The following NMNAT2 variants were observed in gnomAD, a reference collection of about 807,000 sequenced individuals.
NMNAT2 encodes the protein nicotinamide nucleotide adenylyltransferase 2, also known as nicotinamide/nicotinic acid mononucleotide adenylyltransferase 2.
NMNAT2 carries 11 observed loss-of-function variants against 41.6 expected under a neutral mutation model. The ratio of observed to expected loss-of-function variants is 0.26; its 90% CI spans 0.17 to 0.44. NMNAT2 has a LOEUF of 0.44. Among genes scored for constraint, NMNAT2 ranks in the 20% least tolerant of loss-of-function variants. The pLI is 1.00. For missense variants in NMNAT2, 288 were observed against 407.7 expected, an observed-to-expected ratio of 0.71 and a Z score of 2.53; for synonymous variants, 148 against 151.2, an observed-to-expected ratio of 0.98 and a Z score of 0.16.
chr1:183,284,562 G>T (rs1320145938), intron 6 of NMNAT2, 148 bp downstream of exon 6: 2 of 718,354 alleles, frequency 2.8e-6, no homozygotes, highest in South Asian at 3.2e-5. Context: ...GCCTGTGTGG[G>T]GGGATACGTT....
chr1:183,287,253 G>T (rs887920706), intron 4 of NMNAT2, among the ~76,000 whole-genome samples: 3 of 152,074 alleles, frequency 2.0e-5, no homozygotes, highest in African/African-American at 4.8e-5. Context: ...TGCTTCATGG[G>T]GCTCAAATGA....
At chr1:183,349,962 G>T (rs1347041143) in intron 1 of NMNAT2, among the ~76,000 whole-genome samples, 1 of 152,108 alleles carries the variant, frequency 6.6e-6, no homozygotes, top group Non-Finnish European at 1.5e-5. Context: ...GCTTGGACTG[G>T]CAGAATATAG....
intron 1 of NMNAT2, among the ~76,000 whole-genome samples, chr1:183,331,678 G>C (rs1181770444): frequency 6.6e-6 from 1 of 152,222 alleles, no homozygotes; most frequent in Non-Finnish European, 1.5e-5. Context: ...CCTGCACGCT[G>C]CTGCTGCTGG....
At chr1:183,276,270 C>G (rs1661122563) in intron 8 of NMNAT2, among the ~76,000 whole-genome samples, 1 of 152,192 alleles carries the variant, frequency 6.6e-6, no homozygotes. Flanking sequence ...CACTCCACCT[C>G]TGCTGTCACA....
At chr1:183,387,606 A>C (rs1042806890) in intron 1 of NMNAT2, among the ~76,000 whole-genome samples, 4 of 152,216 alleles carry the variant, frequency 2.6e-5, no homozygotes, top group African/African-American at 9.6e-5. Context: ...TGGTGCGTTC[A>C]ATGTTGAGGC....
At chr1:183,412,493 G>A (rs889349827) in intron 1 of NMNAT2, among the ~76,000 whole-genome samples, 4 of 152,224 alleles carry the variant, frequency 2.6e-5, no homozygotes, top group Non-Finnish European at 5.9e-5. Context: ...AAAGTGCTGG[G>A]ATTAGAGGTG....
At chr1:183,260,426 T>C (rs1660627094) in intron 10 of NMNAT2, among the ~76,000 whole-genome samples, 1 of 152,146 alleles carries the variant, frequency 6.6e-6, no homozygotes, top group South Asian at 2.1e-4. Context: ...CAAATATTAT[T>C]CCATAAGTAC....
intron 1 of NMNAT2, among the ~76,000 whole-genome samples, chr1:183,382,667 A>C (rs955989522): frequency 1.3e-5 from 2 of 152,226 alleles, no homozygotes; most frequent in African/African-American, 4.8e-5. Context: ...TATAGGCCCC[A>C]TGCAAGTCTG....
intron 1 of NMNAT2, among the ~76,000 whole-genome samples, chr1:183,312,150 C>T (rs1344589688): frequency 6.6e-6 from 1 of 152,072 alleles, no homozygotes; most frequent in African/African-American, 2.4e-5. Context: ...CGGACTAATA[C>T]ACCATGACAG....
At chr1:183,362,710 T>C (rs1368314102) in intron 1 of NMNAT2, among the ~76,000 whole-genome samples, 1 of 152,258 alleles carries the variant, frequency 6.6e-6, no homozygotes, top group Non-Finnish European at 1.5e-5. Context: ...CTATTATGAA[T>C]AATGCTGCTG....
intron 1 of NMNAT2, among the ~76,000 whole-genome samples, chr1:183,389,832 GAAAGAAAGA>G (rs1557897774): frequency 1.1e-3 from 56 of 53,198 alleles, no homozygotes; most frequent in African/African-American, 2.8e-3. Context: ...AAGAAAGAAA[GAAAGAAAGA>G]AAGGAAAAAA....
intron 1 of NMNAT2, among the ~76,000 whole-genome samples, chr1:183,359,664 G>A (rs1663265138): frequency 6.6e-6 from 1 of 152,128 alleles, no homozygotes; most frequent in Non-Finnish European, 1.5e-5. Context: ...TCGGGTTGTT[G>A]GGAACATCAC....
chr1:183,353,364 G>A (rs945919323), intron 1 of NMNAT2, among the ~76,000 whole-genome samples: 2 of 152,124 alleles, frequency 1.3e-5, no homozygotes, highest in African/African-American at 4.8e-5. Context: ...AGATCTTTCC[G>A]AAACAGTCAG....
intron 1 of NMNAT2, among the ~76,000 whole-genome samples, chr1:183,353,950 GCAAGGCATATCACTC>G (rs1663122721): frequency 6.6e-6 from 1 of 152,130 alleles, no homozygotes; most frequent in Non-Finnish European, 1.5e-5. Flanking sequence ...CTAGCAGAGG[GCAAGGCATATCACTC>G]CATGGTTCAG....
intron 1 of NMNAT2, among the ~76,000 whole-genome samples, chr1:183,413,675 C>T (rs1392976059): frequency 5.8e-5 from 8 of 138,104 alleles, no homozygotes; most frequent in African/African-American, 2.2e-4. Flanking sequence ...GGCGCGATCT[C>T]GGCTCACTGC....
At position 183,251,932 on chromosome 1, in the gene NMNAT2, C is replaced by T. The variant is rs200936202; in HGVS notation, c.*709G>A. 1.3e-5 allele frequency: 2 copies of T among 155,350 alleles called. No individual in the cohort carries two copies. Among genetic ancestry groups the T allele is most frequent in the African/African-American group, 2.4e-5 (1 of 41,154 alleles). The allele number at this position is 155,350 out of a possible 1,614,324, so 9.6% of individuals were successfully genotyped here. On this transcript the variant is annotated 3_prime_UTR_variant, in exon 11 of 11. Transcript: ENST00000287713. ...GTGCGCGGGTGCACACGCATGTGTG[C>T]GTGTGTGTGTGTGTGCGTGTGTGTG... is the stretch of plus-strand genomic sequence containing the variant.
chr1:183,414,130 G>A (rs1365440929), intron 1 of NMNAT2, among the ~76,000 whole-genome samples: 2 of 152,278 alleles, frequency 1.3e-5, no homozygotes, highest in African/African-American at 2.4e-5. Context: ...ATATCAGAGC[G>A]CAGTGAAAAG....
chr1:183,353,283 G>A lies in NMNAT2; in HGVS notation c.86-59490C>T, dbSNP rs144229862. 6.3e-4 allele frequency among the ~76,000 whole-genome samples: 96 copies of A among 152,300 alleles called. 2 individuals are homozygous for A. In the East Asian group the frequency reaches 0.014, roughly 22 times the overall value. On this transcript the variant is annotated intron_variant, in intron 1 of 10. Coordinates refer to ENST00000287713, the MANE Select transcript of NMNAT2 (RefSeq NM_015039.4). ...GGCCTCCCAAAGTGCTGGGATTACA[G>A]GAGTGAGCCACTGTGCCCAGCCCTG...
chr1:183,411,570 C>G (rs1200443230), intron 1 of NMNAT2, among the ~76,000 whole-genome samples: 1 of 152,122 alleles, frequency 6.6e-6, no homozygotes, highest in Non-Finnish European at 1.5e-5. Context: ...TCCCAAATTG[C>G]TGGGATTACA....
Sources: gnomAD v4.1 joint callset for allele counts (sites outside exome capture counted in the v4.1 genomes callset) on GRCh38, gnomAD v4.1.1 for gene constraint, MANE v1.5 for transcripts, NCBI Gene and HGNC (gene_info 2026-07-23, HGNC 2026-07-21) for gene names.